Variants in ZFHX3 observed in about 807,000 individuals in gnomAD.
ZFHX3 encodes zinc finger homeobox 3.
Under a neutral mutation model 279.1 loss-of-function variants are expected in ZFHX3, and 42 were observed. The observed-to-expected ratio is 0.15, with a 90% CI of 0.12 to 0.19. The LOEUF (loss-of-function observed/expected upper bound fraction) is 0.19, where lower values mean the gene tolerates loss of function less well. ZFHX3 is among the 10% of genes least tolerant of loss of function. ZFHX3 has a pLI of 1.00. For synonymous variants in ZFHX3, 2,293 were observed against 1,957.8 expected (o/e 1.17, Z -4.52); for missense variants, 4,981 against 4,754.0 (o/e 1.05, Z -1.40).
In ZFHX3 at chr16:73,715,721, G is replaced by A. The variant is rs577039589; in HGVS notation, c.-1607-35481C>T. Among the ~76,000 whole-genome samples the A allele has an allele frequency of 8.6e-5, 13 of 151,882 alleles. No individual in the cohort carries two copies. In the South Asian group the frequency reaches 1.5e-3, roughly 17 times the overall value. On this transcript the variant is annotated intron_variant, in intron 1 of 17. Transcript: ENST00000641206. ...CAAGTAGCTGCGATTACAGGTGCCC[G>A]CCACCATGCCCTGCTAATTTTTTTG...
chr16:73,112,187 G>A (rs1225659496), intron 7 of ZFHX3, among the ~76,000 whole-genome samples: 3 of 151,724 alleles, frequency 2.0e-5, no homozygotes, highest in East Asian at 1.9e-4. Flanking sequence ...GATCTCAAGA[G>A]GGATAAGAAG....
intron 5 of ZFHX3, among the ~76,000 whole-genome samples, chr16:73,168,455 T>C (rs1423890421): frequency 6.6e-6 from 1 of 152,036 alleles, no homozygotes; most frequent in African/African-American, 2.4e-5. Context: ...GCAGACTTGC[T>C]GTCTTGCCCA....
At chr16:73,800,619 A>G (rs555919569) in intron 1 of ZFHX3, among the ~76,000 whole-genome samples, 2 of 151,840 alleles carry the variant, frequency 1.3e-5, no homozygotes, top group South Asian at 4.2e-4. Context: ...TACTCTTGCC[A>G]GTTAAAGTTA....
chr16:73,804,389 G>T (rs1455050335), intron 1 of ZFHX3, among the ~76,000 whole-genome samples: 2 of 152,192 alleles, frequency 1.3e-5, no homozygotes, highest in African/African-American at 4.8e-5. Flanking sequence ...AGCCACCCAA[G>T]GATGGCCACG....
intron 6 of ZFHX3, among the ~76,000 whole-genome samples, chr16:73,138,997 T>C (rs145091686): frequency 2.0e-4 from 31 of 152,304 alleles, no homozygotes; most frequent in Non-Finnish European, 4.4e-4. Flanking sequence ...TGCCTGGTCA[T>C]TGCCCTTTTA....
chr16:72,982,215 C>A (rs923784257), intron 1 of ZFHX3, among the ~76,000 whole-genome samples: 4 of 152,110 alleles, frequency 2.6e-5, no homozygotes, highest in African/African-American at 9.7e-5. Context: ...CTCATTTGAC[C>A]TCTAACAATC....
At chr16:73,413,771 T>C (rs909079792) in intron 3 of ZFHX3, among the ~76,000 whole-genome samples, 4 of 152,212 alleles carry the variant, frequency 2.6e-5, no homozygotes, top group African/African-American at 7.2e-5. Flanking sequence ...GCATTTGATT[T>C]GGAAATTTTT....
intron 1 of ZFHX3, among the ~76,000 whole-genome samples, chr16:73,033,517 A>G (rs12929448): frequency 6.6e-6 from 1 of 151,432 alleles, no homozygotes; most frequent in Admixed American, 6.6e-5. Flanking sequence ...ACTGGGGGGA[A>G]AGGGGGCAGG....
intron 3 of ZFHX3, among the ~76,000 whole-genome samples, chr16:73,333,463 TAAAC>T (rs372699925): frequency 6.6e-6 from 1 of 152,038 alleles, no homozygotes; most frequent in African/African-American, 2.4e-5. Flanking sequence ...GACACATAGA[TAAAC>T]AGACAGAAAG....
intron 2 of ZFHX3, among the ~76,000 whole-genome samples, chr16:73,590,092 C>T (rs2051978476): frequency 6.6e-6 from 1 of 152,104 alleles, no homozygotes. Context: ...ATCCTATTGG[C>T]ATGGGAATTT....
At chr16:72,940,509 C>T (rs1437156280) in intron 3 of ZFHX3, among the ~76,000 whole-genome samples, 4 of 152,132 alleles carry the variant, frequency 2.6e-5, no homozygotes, top group Admixed American at 6.5e-5. Flanking sequence ...CAGGAAGACA[C>T]GGATGCCCCG....
chr16:73,743,194 C>A (rs1046401133), intron 1 of ZFHX3, among the ~76,000 whole-genome samples: 6 of 152,168 alleles, frequency 3.9e-5, no homozygotes, highest in Non-Finnish European at 7.3e-5. Context: ...TTCTTATAAA[C>A]AGATAGCTTT....
intron 3 of ZFHX3, chr16:73,421,256 T>C (rs1191978811): frequency 6.6e-6 from 1 of 152,230 alleles, no homozygotes; most frequent in East Asian, 1.9e-4. Flanking sequence ...GGCACTGTGA[T>C]TAGATATTTT....
intron 3 of ZFHX3, among the ~76,000 whole-genome samples, chr16:73,372,918 C>T (rs2143344107): frequency 6.6e-6 from 1 of 152,324 alleles, no homozygotes; most frequent in African/African-American, 2.4e-5. Context: ...CACCTTCACA[C>T]ACACCTCTTC....
At chr16:73,885,526 G>C (rs2030317609) in intron 1 of ZFHX3, among the ~76,000 whole-genome samples, 1 of 152,098 alleles carries the variant, frequency 6.6e-6, no homozygotes, top group African/African-American at 2.4e-5. Flanking sequence ...TTCTAAGAAA[G>C]TGTGATGATC....
chr16:73,430,077 A>T (rs1382722391), intron 3 of ZFHX3, among the ~76,000 whole-genome samples: 1 of 151,918 alleles, frequency 6.6e-6, no homozygotes, highest in Non-Finnish European at 1.5e-5. Flanking sequence ...TTTTGTAGAG[A>T]CAGGGTCTTG....
chr16:72,919,747 C>A (rs1020998940), intron 3 of ZFHX3, among the ~76,000 whole-genome samples: 1 of 109,646 alleles, frequency 9.1e-6, no homozygotes, highest in Admixed American at 1.0e-4. Flanking sequence ...GAGAGGCCGT[C>A]TTTCCAACTA....
intron 3 of ZFHX3, among the ~76,000 whole-genome samples, chr16:73,411,645 T>C (rs2017469297): frequency 1.3e-5 from 2 of 152,218 alleles, no homozygotes; most frequent in African/African-American, 4.8e-5. Context: ...AAATTAACTA[T>C]CAGCATATAA....
intron 1 of ZFHX3, among the ~76,000 whole-genome samples, chr16:73,720,800 G>A (rs2053466785): frequency 6.6e-6 from 1 of 152,106 alleles, no homozygotes. Context: ...TATTAATACT[G>A]CAAAAAGCAT....
Sources: allele counts gnomAD v4.1 joint callset (sites outside exome capture counted in the v4.1 genomes callset), GRCh38; gene constraint gnomAD v4.1.1; transcripts MANE v1.5; gene names NCBI Gene and HGNC (gene_info 2026-07-23, HGNC 2026-07-21).